NPC1: variants seen among roughly 807,000 people sequenced by gnomAD.
NPC1 encodes the protein Niemann-Pick C1 protein.
Under a neutral mutation model 140.4 loss-of-function variants are expected in NPC1, and 85 were observed. The ratio of observed to expected loss-of-function variants is 0.61; its 90% CI spans 0.51 to 0.72. The LOEUF is 0.72. NPC1 is among the 30% of genes least tolerant of loss of function. The probability of loss-of-function intolerance (pLI) is 0.00; values close to 1 mark genes in which losing one functional copy is unlikely to be tolerated. For synonymous variants in NPC1, 656 were observed against 624.8 expected (o/e 1.05, Z -0.74); for missense variants, 1,504 against 1,623.8 (o/e 0.93, Z 1.27).
At chr18:23,581,337 G>A (rs1456034058) in intron 1 of NPC1, among the ~76,000 whole-genome samples, 1 of 152,186 alleles carries the variant, frequency 6.6e-6, no homozygotes, top group Non-Finnish European at 1.5e-5. Context: ...TACTAACCAA[G>A]TGGAATATCT....
At chr18:23,570,050 G>A (rs2059179252) in intron 3 of NPC1, among the ~76,000 whole-genome samples, 1 of 152,202 alleles carries the variant, frequency 6.6e-6, no homozygotes, top group Admixed American at 6.5e-5. Context: ...AAGAGTCTCT[G>A]TTCTAGTGAA....
At chr18:23,563,027 C>T (rs1436697734) in intron 4 of NPC1, among the ~76,000 whole-genome samples, 1 of 152,154 alleles carries the variant, frequency 6.6e-6, no homozygotes, top group Admixed American at 6.5e-5. Flanking sequence ...TCTAGCTATG[C>T]ACAACTACCT....
At chr18:23,559,300 T>C (rs1368487469) in intron 6 of NPC1, among the ~76,000 whole-genome samples, 1 of 152,174 alleles carries the variant, frequency 6.6e-6, no homozygotes, top group East Asian at 1.9e-4. Context: ...GTTATGTAAG[T>C]TGTATCATCG....
At chr18:23,535,392 T>C in intron 22 of NPC1, 77 bp downstream of exon 22, 1 of 1,042,354 alleles carries the variant, frequency 9.6e-7, no homozygotes, top group Non-Finnish European at 1.5e-6. Context: ...CTTTAGGGTT[T>C]ACATGGAATC....
Position 23,531,841 on chromosome 18 carries a change from G to A in NPC1, c.*361C>T, listed in dbSNP as rs2058520653. 2 of 1,464,430 alleles carry A rather than the reference G, an allele frequency of 1.4e-6. No individual in the cohort carries two copies. The highest frequency in any genetic ancestry group is 5.3e-5 in the Admixed American group (2 of 37,570). 90.7% of individuals were successfully genotyped at this position (1,464,430 alleles called of 1,614,324 possible). The stretch of plus-strand genomic sequence containing the variant: ...CTAAAAATATGGTATAGAACTTGTG[G>A]GATGGCTTACTCCTAAAAGGAGAGA... On this transcript the variant is annotated 3_prime_UTR_variant, in exon 25 of 25. Transcript: ENST00000269228.
At chr18:23,524,654 T>C (rs2058241240), downstream of NPC1, among the ~76,000 whole-genome samples, 1 of 152,114 alleles carries the variant, frequency 6.6e-6, no homozygotes, top group Non-Finnish European at 1.5e-5. Flanking sequence ...TATGTGCATT[T>C]TATCAAGAAC....
chr18:23,520,488 C>G (rs914304926), downstream of NPC1, among the ~76,000 whole-genome samples: 4 of 152,198 alleles, frequency 2.6e-5, no homozygotes, highest in Admixed American at 6.5e-5. Flanking sequence ...TTGAGACAGT[C>G]TCACTGAGTC....
intron 4 of NPC1, among the ~76,000 whole-genome samples, chr18:23,565,597 G>C (rs1353573446): frequency 6.6e-6 from 1 of 152,160 alleles, no homozygotes; most frequent in African/African-American, 2.4e-5. Flanking sequence ...CTTGTGATCT[G>C]CCTGCCTCGG....
rs1195898144 is a variant in NPC1 at position 23,545,008 on chromosome 18, T to C, written c.1899A>G (p.Leu633=). The C allele has an allele frequency of 3.8e-6, 6 of 1,566,618 alleles. No homozygotes were observed. Among genetic ancestry groups the C allele is most frequent in the African/African-American group, 1.4e-5 (1 of 71,712 alleles). The change falls in exon 12 of 25, where the codon CTA becomes CTG. Residue 633 remains leucine (L), a synonymous_variant. Coordinates refer to ENST00000269228, the MANE Select transcript of NPC1 (RefSeq NM_000271.5). ...TVVISYAIMF[L]YISLALGHMK... The stretch of plus-strand genomic sequence containing the variant: ...TGTGCCCCAAGGCTAGGGAAATATA[T>C]AGAAACATGATGGCATAGCTAATTA...
chr18:23,540,303 G>A (rs1445621974), intron 17 of NPC1, 145 bp downstream of exon 17: 7 of 688,032 alleles, frequency 1.0e-5, no homozygotes, highest in South Asian at 1.7e-5. Context: ...AGTGCACTGC[G>A]ACAGTTCTCC....
intron 7 of NPC1, among the ~76,000 whole-genome samples, chr18:23,556,900 G>A (rs1184482022): frequency 6.6e-6 from 1 of 152,302 alleles, no homozygotes; most frequent in African/African-American, 2.4e-5. Context: ...TGCTGCTTTC[G>A]CGCCTCCCCA....
chr18:23,572,006 G>C (rs1200648163), intron 3 of NPC1, 68 bp downstream of exon 3: 12 of 876,568 alleles, frequency 1.4e-5, no homozygotes, highest in Non-Finnish European at 2.1e-5. Context: ...AGAATAAATG[G>C]AAAGCTGAGC....
chr18:23,574,214 G>C (rs1002709049), intron 1 of NPC1, among the ~76,000 whole-genome samples: 2 of 152,168 alleles, frequency 1.3e-5, no homozygotes, highest in African/African-American at 4.8e-5. Flanking sequence ...AGAGTCACAA[G>C]GTTGTCAGAA....
At position 23,556,330 on chromosome 18, in the gene NPC1, A is replaced by AG; in HGVS notation, c.1238dup (p.Leu414SerfsTer3). 1 of 1,614,064 alleles carries AG rather than the reference A, an allele frequency of 6.2e-7. No homozygotes were observed. Among genetic ancestry groups the AG allele is most frequent in the Non-Finnish European group, 8.5e-7 (1 of 1,179,968 alleles). On this transcript the variant is annotated frameshift_variant, in exon 8 of 25. Coordinates refer to ENST00000269228, the MANE Select transcript of NPC1 (RefSeq NM_000271.5). LOFTEE classifies it high-confidence loss of function. ...GCTGGTAAATGTGTTTGTCAGTGAG[A>AG]GGGGCCCGGATGATGAGCTGCTCCG...
At chr18:23,512,016 CTTT>C (rs34759918) in intron 3 of NPC1, among the ~76,000 whole-genome samples, 2 of 127,204 alleles carry the variant, frequency 1.6e-5, no homozygotes, top group African/African-American at 2.9e-5. Context: ...GGTAGAAAGA[CTTT>C]TTTTTTTTTT....
chr18:23,556,441 A>G lies in NPC1; in HGVS notation c.1128T>C (p.Asn376=). 6.2e-7 allele frequency: 1 copy of G among 1,614,108 alleles called. No individual in the cohort carries two copies. The highest frequency in any genetic ancestry group is 2.2e-5 in the East Asian group (1 of 44,866). The change falls in exon 8 of 25, where the codon AAT becomes AAC. Residue 376 remains asparagine (N), a synonymous_variant. Coordinates refer to ENST00000269228, the MANE Select transcript of NPC1 (RefSeq NM_000271.5). ...TGGGGGCTGACCAGAGGTCAACTGG[A>G]TTGGTTGTGACCCGGACAAACACCA... is the stretch of plus-strand genomic sequence containing the variant. ...SGLVFVRVTT[N]PVDLWSAPSS...
At chr18:23,569,460 C>T (rs1238399307) in intron 3 of NPC1, among the ~76,000 whole-genome samples, 2 of 152,120 alleles carry the variant, frequency 1.3e-5, no homozygotes, top group South Asian at 2.1e-4. Flanking sequence ...GTAGCTAGGA[C>T]TACAGGTGCA....
chr18:23,518,514 T>A (rs1183347310), downstream of NPC1, among the ~76,000 whole-genome samples: 3 of 151,270 alleles, frequency 2.0e-5, no homozygotes, highest in South Asian at 2.1e-4. Context: ...AAAAAAAAAA[T>A]AGTGATTATA....
downstream of NPC1, chr18:23,529,709 A>G (rs2145296953): frequency 1.2e-6 from 2 of 1,612,274 alleles, no homozygotes; most frequent in South Asian, 1.1e-5. Flanking sequence ...AGATTGCAGT[A>G]CAGGTACCTT....
Sources: gnomAD v4.1 joint callset for allele counts (sites outside exome capture counted in the v4.1 genomes callset) on GRCh38, gnomAD v4.1.1 for gene constraint, MANE v1.5 for transcripts, NCBI Gene and HGNC (gene_info 2026-07-23, HGNC 2026-07-21) for gene names.